Variants in PDZD8 observed in about 807,000 individuals in gnomAD.
PDZD8 encodes the protein PDZ domain containing 8.
Under a neutral mutation model 85.8 loss-of-function variants are expected in PDZD8, and 14 were observed. The observed-to-expected ratio is 0.16, with a 90% CI of 0.11 to 0.26. PDZD8 has a LOEUF of 0.26. Ranked by LOEUF, PDZD8 falls within the 10% of genes least tolerant of loss-of-function variation. The probability of loss-of-function intolerance (pLI) is 1.00; values close to 1 mark genes in which losing one functional copy is unlikely to be tolerated. For synonymous variants in PDZD8, 592 were observed against 568.6 expected (o/e 1.04, Z -0.59); for missense variants, 1,197 against 1,424.3 (o/e 0.84, Z 2.57).
At chr10:117,361,124 A>C (rs1480656447) in intron 1 of PDZD8, among the ~76,000 whole-genome samples, 1 of 152,112 alleles carries the variant, frequency 6.6e-6, no homozygotes, top group African/African-American at 2.4e-5. Context: ...GGCAGATAAC[A>C]TTTTTGTATT....
At chr10:117,316,232 C>A (rs1485497471) in intron 3 of PDZD8, among the ~76,000 whole-genome samples, 2 of 152,176 alleles carry the variant, frequency 1.3e-5, no homozygotes, top group Non-Finnish European at 2.9e-5. Context: ...ATGAGCTAAG[C>A]AGGGCACTGG....
intron 4 of PDZD8, among the ~76,000 whole-genome samples, chr10:117,287,315 G>A (rs1343804500): frequency 6.6e-6 from 1 of 151,808 alleles, no homozygotes; most frequent in African/African-American, 2.4e-5. Context: ...CACCTTATAT[G>A]CAACTGTTAC....
rs779537943 is a variant in PDZD8, at chr10:117,290,225, C to T, written c.1222G>A (p.Ala408Thr). 1.9e-6 allele frequency: 3 copies of T among 1,614,034 alleles called. No individual in the cohort carries two copies. The highest frequency in any genetic ancestry group is 2.5e-6 in the Non-Finnish European group (3 of 1,179,966). Residue 408 changes from alanine to threonine, a missense_variant, in exon 4 of 5, where the codon GCA (alanine) becomes ACA (threonine). By Grantham distance (58) the Ala-to-Thr change is moderately conservative. Transcript: ENST00000334464. ...AGTCGATCTCCCCGCTGAAGATCTGCAATTGCAGCAGGCGAGTTTGGAGCC... is the reference window on the plus strand; with the variant it reads ...AGTCGATCTCCCCGCTGAAGATCTGTAATTGCAGCAGGCGAGTTTGGAGCC... ...TVAPNSPAAI[A>T]DLQRGDRLIA...
intron 3 of PDZD8, among the ~76,000 whole-genome samples, chr10:117,303,331 A>C (rs1237151589): frequency 1.3e-5 from 2 of 152,202 alleles, no homozygotes; most frequent in Non-Finnish European, 2.9e-5. Context: ...TGGAATTTTG[A>C]ACTTGAGAAA....
At chr10:117,357,601 A>G (rs1334153159) in intron 1 of PDZD8, among the ~76,000 whole-genome samples, 1 of 151,350 alleles carries the variant, frequency 6.6e-6, no homozygotes, top group Non-Finnish European at 1.5e-5. Flanking sequence ...CCCTGTCTCT[A>G]TTAAAAATAC....
intron 3 of PDZD8, among the ~76,000 whole-genome samples, chr10:117,312,518 C>G (rs1844056405): frequency 6.6e-6 from 1 of 152,114 alleles, no homozygotes; most frequent in South Asian, 2.1e-4. Flanking sequence ...AAAAAAAATA[C>G]AGCATGTTTG....
chr10:117,349,824 TA>T (rs1036759279), intron 1 of PDZD8, among the ~76,000 whole-genome samples: 2 of 151,646 alleles, frequency 1.3e-5, no homozygotes, highest in African/African-American at 4.8e-5. Context: ...AATAAAAAAA[TA>T]AAAATAAATA....
chr10:117,364,441 G>A (rs1042006572), intron 1 of PDZD8, among the ~76,000 whole-genome samples: 1 of 151,614 alleles, frequency 6.6e-6, no homozygotes, highest in African/African-American at 2.4e-5. Flanking sequence ...ACATTTAGGA[G>A]TGGGACAGTT....
chr10:117,328,669 C>CTT (rs199698682), intron 2 of PDZD8, among the ~76,000 whole-genome samples: 31 of 151,528 alleles, frequency 2.0e-4, no homozygotes, highest in African/African-American at 6.8e-4. Context: ...ACCAATCAGT[C>CTT]TTTTTTTTTC....
chr10:117,283,153 CAAGT>C lies in PDZD8; in HGVS notation c.*111_*114del. On this transcript the variant is annotated 3_prime_UTR_variant, in exon 5 of 5. Transcript: ENST00000334464. ...TTTCTCATTTTTGTTCTTACACAAG[CAAGT>C]AACTGGAGAAGCAGGCCAGAGTGCA... is the stretch of plus-strand genomic sequence containing the variant. 4.8e-6 allele frequency: 5 copies of C among 1,040,212 alleles called. No homozygotes were observed. The highest frequency in any genetic ancestry group is 6.8e-6 in the Non-Finnish European group (5 of 733,270). The allele number at this position is 1,040,212 out of a possible 1,614,324, so 64.4% of individuals were successfully genotyped here.
chr10:117,310,913 T>C (rs1357598626), intron 3 of PDZD8, among the ~76,000 whole-genome samples: 1 of 152,202 alleles, frequency 6.6e-6, no homozygotes, highest in African/African-American at 2.4e-5. Context: ...ATTTGTAAGT[T>C]TGTCTGTCTC....
chr10:117,330,255 G>C (rs1001840014), intron 2 of PDZD8, among the ~76,000 whole-genome samples: 1 of 151,706 alleles, frequency 6.6e-6, no homozygotes, highest in Admixed American at 6.6e-5. Flanking sequence ...CAATTTTCAC[G>C]ACTTCCAAAT....
intron 3 of PDZD8, among the ~76,000 whole-genome samples, chr10:117,313,041 T>C (rs1844065021): frequency 6.6e-6 from 1 of 152,196 alleles, no homozygotes; most frequent in African/African-American, 2.4e-5. Context: ...TTTTAAAGTG[T>C]AGTTTGGATT....
chr10:117,298,546 A>G (rs913522108), intron 3 of PDZD8, among the ~76,000 whole-genome samples: 33 of 152,280 alleles, frequency 2.2e-4, no homozygotes, highest in Middle Eastern at 3.4e-3. Context: ...TAACTTCTTT[A>G]TAACTATCAT....
At chr10:117,368,336 T>C (rs955637843) in intron 1 of PDZD8, among the ~76,000 whole-genome samples, 4 of 152,186 alleles carry the variant, frequency 2.6e-5, no homozygotes, top group African/African-American at 9.7e-5. Flanking sequence ...TATTACAAGA[T>C]TATTCCAGCA....
At chr10:117,368,218 A>T (rs987737361) in intron 1 of PDZD8, among the ~76,000 whole-genome samples, 1 of 152,248 alleles carries the variant, frequency 6.6e-6, no homozygotes, top group Non-Finnish European at 1.5e-5. Flanking sequence ...TGACATAATT[A>T]TTCATCTCTA....
chr10:117,325,700 G>C lies in PDZD8; in HGVS notation c.996-6726C>G, dbSNP rs553890256. Among the ~76,000 whole-genome samples, 26 of 152,160 alleles carry C rather than the reference G, an allele frequency of 1.7e-4. No homozygotes were observed. In the Middle Eastern group the frequency reaches 0.01, roughly 60 times the overall value. ...TTACAGGCATGAGCCACCACGCCCA[G>C]CCAAAACTATGAAAAAATCCACACT... is the stretch of plus-strand genomic sequence containing the variant. On this transcript the variant is annotated intron_variant, in intron 2 of 4. Transcript: ENST00000334464.
At chr10:117,298,607 T>C (rs1285918054) in intron 3 of PDZD8, among the ~76,000 whole-genome samples, 2 of 152,146 alleles carry the variant, frequency 1.3e-5, no homozygotes, top group African/African-American at 4.8e-5. Context: ...AGACAATATA[T>C]ATATCTGATA....
At chr10:117,290,046 A>G (rs1844729402) in intron 4 of PDZD8, 140 bp downstream of exon 4, 2 of 666,532 alleles carry the variant, frequency 3.0e-6, no homozygotes, top group Admixed American at 7.3e-5. Context: ...TATTTATAAT[A>G]AAGTTTATTA....
Sources: gnomAD v4.1 joint callset for allele counts (sites outside exome capture counted in the v4.1 genomes callset) on GRCh38, gnomAD v4.1.1 for gene constraint, MANE v1.5 for transcripts, NCBI Gene and HGNC (gene_info 2026-07-23, HGNC 2026-07-21) for gene names.